Variants in CDKAL1 observed in about 807,000 individuals in gnomAD.
CDKAL1 encodes the protein threonylcarbamoyladenosine tRNA methylthiotransferase.
A neutral mutation model predicts 68.2 loss-of-function variants in CDKAL1; 32 were observed. That is an observed-to-expected ratio of 0.47 (90% CI 0.35 to 0.63). The LOEUF is 0.63. Among genes scored for constraint, CDKAL1 ranks in the 30% least tolerant of loss-of-function variants. CDKAL1 has a pLI of 0.00. For missense variants in CDKAL1, 606 were observed against 696.7 expected (o/e 0.87, Z 1.47); for synonymous variants, 234 against 244.3 (o/e 0.96, Z 0.39).
At chr6:21,075,434 T>G (rs1772019038) in intron 12 of CDKAL1, among the ~76,000 whole-genome samples, 1 of 152,154 alleles carries the variant, frequency 6.6e-6, no homozygotes, top group Admixed American at 6.5e-5. Flanking sequence ...AGTTGAATTT[T>G]GTATTTGTAT....
At chr6:20,598,459 A>G (rs879732992) in intron 4 of CDKAL1, among the ~76,000 whole-genome samples, 10 of 152,198 alleles carry the variant, frequency 6.6e-5, no homozygotes, top group Non-Finnish European at 1.5e-4. Flanking sequence ...GAGAGAATAC[A>G]CTGGACTTTT....
chr6:20,603,791 T>TC (rs1282951343), intron 4 of CDKAL1, among the ~76,000 whole-genome samples: 1 of 142,240 alleles, frequency 7.0e-6, no homozygotes, highest in Non-Finnish European at 1.5e-5. Flanking sequence ...TTTTTTTTTT[T>TC]TTTGAGACGG....
At chr6:20,703,863 TGGATATA>T (rs944696653) in intron 5 of CDKAL1, among the ~76,000 whole-genome samples, 26 of 152,306 alleles carry the variant, frequency 1.7e-4, no homozygotes, top group African/African-American at 6.0e-4. Flanking sequence ...CACAAATGTG[TGGATATA>T]GTCTATTTTG....
chr6:21,212,019 T>C (rs1311816078), intron 15 of CDKAL1, among the ~76,000 whole-genome samples: 1 of 152,208 alleles, frequency 6.6e-6, no homozygotes, highest in African/African-American at 2.4e-5. Flanking sequence ...CCTCAGCCTC[T>C]TAGAGTGCTG....
chr6:20,581,998 G>A (rs754975069), intron 4 of CDKAL1, among the ~76,000 whole-genome samples: 9 of 152,156 alleles, frequency 5.9e-5, no homozygotes, highest in African/African-American at 1.2e-4. Flanking sequence ...GTATAGATAA[G>A]TGTATTTTCA....
chr6:20,955,289 C>T (rs1275333521), intron 9 of CDKAL1, 130 bp from the exon 10 acceptor site: 3 of 883,334 alleles, frequency 3.4e-6, no homozygotes, highest in Admixed American at 4.9e-5. Flanking sequence ...GCTGCTTTTT[C>T]TCTGCAATTG....
intron 4 of CDKAL1, among the ~76,000 whole-genome samples, chr6:20,619,104 T>C (rs902055988): frequency 1.3e-5 from 2 of 152,264 alleles, no homozygotes; most frequent in African/African-American, 4.8e-5. Context: ...TATCTTTCCT[T>C]TCTGTTTAAA....
intron 7 of CDKAL1, 35 bp from the exon 8 acceptor site, chr6:20,781,108 ACT>A: frequency 2.5e-6 from 4 of 1,598,836 alleles, no homozygotes; most frequent in Non-Finnish European, 3.4e-6. Context: ...GAAGTGTGTA[ACT>A]CTTGCTAATG....
chr6:21,133,468 A>G (rs989042255), intron 13 of CDKAL1, among the ~76,000 whole-genome samples: 1 of 152,166 alleles, frequency 6.6e-6, no homozygotes, highest in African/African-American at 2.4e-5. Flanking sequence ...CAGTGTAGCT[A>G]TGTTCTTGGC....
chr6:21,086,853 A>G (rs1049227541), intron 12 of CDKAL1, among the ~76,000 whole-genome samples: 5 of 152,230 alleles, frequency 3.3e-5, no homozygotes, highest in African/African-American at 9.6e-5. Flanking sequence ...GAGGAAATTT[A>G]CAAAGGTTAA....
At chr6:20,785,608 G>T (rs185879320) in intron 8 of CDKAL1, among the ~76,000 whole-genome samples, 1 of 152,190 alleles carries the variant, frequency 6.6e-6, no homozygotes. Flanking sequence ...ACTATGCCCA[G>T]CCAGATTTCA....
At chr6:21,048,922 T>G (rs148483033) in intron 11 of CDKAL1, among the ~76,000 whole-genome samples, 2 of 152,150 alleles carry the variant, frequency 1.3e-5, no homozygotes, top group South Asian at 2.1e-4. Flanking sequence ...GAAAGCCCTT[T>G]CAAATATGAA....
At chr6:21,124,044 A>G (rs1167986358) in intron 13 of CDKAL1, among the ~76,000 whole-genome samples, 4 of 152,242 alleles carry the variant, frequency 2.6e-5, no homozygotes, top group African/African-American at 9.6e-5. Flanking sequence ...CAGTTGTAAC[A>G]TGCACATGTT....
intron 4 of CDKAL1, among the ~76,000 whole-genome samples, chr6:20,639,449 T>A (rs1461553074): frequency 3.3e-5 from 5 of 152,158 alleles, no homozygotes; most frequent in African/African-American, 1.2e-4. Flanking sequence ...ATTTCTCCTC[T>A]ACTCTTTCCT....
At chr6:20,656,187 C>T (rs1203631859) in intron 5 of CDKAL1, among the ~76,000 whole-genome samples, 1 of 152,152 alleles carries the variant, frequency 6.6e-6, no homozygotes, top group Non-Finnish European at 1.5e-5. Context: ...TATTACTGTG[C>T]TTCCTAGATA....
At chr6:21,020,808 A>G (rs1022669126) in intron 11 of CDKAL1, among the ~76,000 whole-genome samples, 3 of 134,736 alleles carry the variant, frequency 2.2e-5, no homozygotes, top group Non-Finnish European at 4.7e-5. Flanking sequence ...ATAGGGTCTC[A>G]TTATGTTTCC....
At chr6:20,698,114 G>A (rs192045418) in intron 5 of CDKAL1, among the ~76,000 whole-genome samples, 1 of 152,082 alleles carries the variant, frequency 6.6e-6, no homozygotes, top group Non-Finnish European at 1.5e-5. Flanking sequence ...TATTCACATT[G>A]ACTTTGTCTT....
At chr6:20,637,802 A>G (rs1361668395) in intron 4 of CDKAL1, among the ~76,000 whole-genome samples, 5 of 152,178 alleles carry the variant, frequency 3.3e-5, no homozygotes, top group African/African-American at 9.7e-5. Context: ...AAAAAATTTT[A>G]TGTAAATACC....
chr6:20,571,470 A>G (rs1484986549), intron 4 of CDKAL1, among the ~76,000 whole-genome samples: 1 of 152,094 alleles, frequency 6.6e-6, no homozygotes, highest in Non-Finnish European at 1.5e-5. Context: ...TGGTTGGATA[A>G]TGAGGAAGTG....
Sources: allele counts gnomAD v4.1 joint callset (sites outside exome capture counted in the v4.1 genomes callset), GRCh38; gene constraint gnomAD v4.1.1; transcripts MANE v1.5; gene names NCBI Gene and HGNC (gene_info 2026-07-23, HGNC 2026-07-21).